The following KANSL1 variants were observed in gnomAD, a reference collection of about 807,000 sequenced individuals.
The protein encoded by KANSL1 is KAT8 regulatory NSL complex subunit 1, also known as MLL1/MLL complex subunit KANSL1.
A neutral mutation model predicts 103.6 loss-of-function variants in KANSL1; 22 were observed. The ratio of observed to expected loss-of-function variants is 0.21; its 90% CI spans 0.15 to 0.30. The LOEUF is 0.30. Ranked by LOEUF, KANSL1 falls within the 10% of genes least tolerant of loss-of-function variation. KANSL1 has a pLI of 1.00. For synonymous variants in KANSL1, 600 were observed against 527.6 expected (o/e 1.14, Z -1.88); for missense variants, 1,337 against 1,399.8 (o/e 0.96, Z 0.72).
At chr17:46,032,334 G>A (rs904483649) in intron 13 of KANSL1, 35 bp from the exon 14 acceptor site, 5 of 1,491,262 alleles carry the variant, frequency 3.4e-6, no homozygotes, top group Non-Finnish European at 4.4e-6. Context: ...GAGTGCCTGG[G>A]AAATGTTTAC....
intron 2 of KANSL1, among the ~76,000 whole-genome samples, chr17:46,108,558 C>T (rs1424948041): frequency 6.6e-6 from 1 of 152,134 alleles, no homozygotes; most frequent in Admixed American, 6.6e-5. Context: ...AGAATCATAT[C>T]CGGAAAACAG....
chr17:46,057,807 A>T (rs1460760661), intron 6 of KANSL1, among the ~76,000 whole-genome samples: 2 of 152,262 alleles, frequency 1.3e-5, no homozygotes. Context: ...AATTCATTCA[A>T]CTTCGTATCT....
intron 10 of KANSL1, 31 bp from the exon 11 acceptor site, chr17:46,034,316 G>A (rs781322105): frequency 1.2e-6 from 2 of 1,611,002 alleles, no homozygotes; most frequent in Non-Finnish European, 1.7e-6. Context: ...TTAAAAGGAA[G>A]GTACAATTTT....
At chr17:46,172,583 T>C (rs150756062) in intron 1 of KANSL1, among the ~76,000 whole-genome samples, 1,695 of 152,306 alleles carry the variant, frequency 0.011, 29 homozygotes, top group African/African-American at 0.039. Flanking sequence ...AATAAATGGA[T>C]TTAAAGCAAG....
At chr17:46,116,042 G>A (rs763479752) in intron 2 of KANSL1, among the ~76,000 whole-genome samples, 4 of 152,184 alleles carry the variant, frequency 2.6e-5, no homozygotes, top group Non-Finnish European at 4.4e-5. Flanking sequence ...AATCATAGAC[G>A]AGAAGAATCC....
rs1312554368 is a variant in KANSL1, at chr17:46,091,647, AT to A, written c.1431+2912del. Among the ~76,000 whole-genome samples, 3 of 152,120 alleles carry A rather than the reference AT, an allele frequency of 2.0e-5. No homozygotes were observed. The East Asian group carries it at 5.8e-4, about 29-fold the overall frequency. On this transcript the variant is annotated intron_variant, in intron 3 of 14. Coordinates refer to ENST00000432791, the MANE Select transcript of KANSL1 (RefSeq NM_015443.4). Reference sequence around the variant, plus strand: ...TACTGTATTTTTTCTATGTTTAGGTATGTTTAAATACATAAATCTTTACCAC... The same window carrying A: ...TACTGTATTTTTTCTATGTTTAGGTAGTTTAAATACATAAATCTTTACCAC...
intron 1 of KANSL1, among the ~76,000 whole-genome samples, chr17:46,214,153 G>A (rs1472535617): frequency 1.3e-5 from 2 of 152,186 alleles, no homozygotes; most frequent in East Asian, 1.9e-4. Flanking sequence ...AGCATTCAAA[G>A]AAAGAGTATT....
intron 1 of KANSL1, among the ~76,000 whole-genome samples, chr17:46,216,817 T>A (rs900978935): frequency 2.0e-5 from 3 of 151,932 alleles, no homozygotes; most frequent in Non-Finnish European, 4.4e-5. Flanking sequence ...TATGTAGTAC[T>A]CCAGGGGCCT....
intron 2 of KANSL1, among the ~76,000 whole-genome samples, chr17:46,107,851 C>T (rs1002646487): frequency 6.6e-6 from 1 of 152,186 alleles, no homozygotes; most frequent in African/African-American, 2.4e-5. Flanking sequence ...GGTCAAAAAC[C>T]TCCATGTAAT....
intron 2 of KANSL1, among the ~76,000 whole-genome samples, chr17:46,151,995 A>G (rs1269904664): frequency 6.6e-6 from 1 of 152,178 alleles, no homozygotes; most frequent in Non-Finnish European, 1.5e-5. Flanking sequence ...ATTTTTTCTC[A>G]TCTGTGGTAC....
chr17:46,207,969 G>A (rs1165590487), intron 1 of KANSL1, among the ~76,000 whole-genome samples: 1 of 152,120 alleles, frequency 6.6e-6, no homozygotes, highest in Non-Finnish European at 1.5e-5. Flanking sequence ...AAATTAGCCA[G>A]GTGTGATGGT....
chr17:46,169,735 T>C (rs2046184608), intron 2 of KANSL1: 1 of 152,240 alleles, frequency 6.6e-6, no homozygotes, highest in Non-Finnish European at 1.5e-5. Flanking sequence ...TCTTTAAGTA[T>C]GTTATAATAT....
At chr17:46,053,929 C>A (rs1875417324) in intron 6 of KANSL1, among the ~76,000 whole-genome samples, 2 of 152,088 alleles carry the variant, frequency 1.3e-5, no homozygotes, top group Non-Finnish European at 2.9e-5. Context: ...TAAAAAACAA[C>A]AAGAACACAT....
intron 2 of KANSL1, among the ~76,000 whole-genome samples, chr17:46,111,314 T>A (rs541562305): frequency 3.2e-4 from 48 of 152,310 alleles, no homozygotes; most frequent in African/African-American, 1.1e-3. Flanking sequence ...GGGCAAGCCA[T>A]TCTCCTGCCT....
intron 1 of KANSL1, among the ~76,000 whole-genome samples, chr17:46,206,566 GAAAC>G (rs1485748262): frequency 1.3e-5 from 2 of 152,194 alleles, no homozygotes; most frequent in Non-Finnish European, 2.9e-5. Context: ...ATCTCTACAA[GAAAC>G]AAACAATGGT....
At chr17:46,054,439 C>T (rs937274798) in intron 6 of KANSL1, among the ~76,000 whole-genome samples, 3 of 152,188 alleles carry the variant, frequency 2.0e-5, no homozygotes, top group African/African-American at 7.2e-5. Context: ...TATCTTTTCT[C>T]AAATGGGTTT....
intron 7 of KANSL1, chr17:46,041,923 T>C (rs1393959558): frequency 2.0e-5 from 3 of 151,552 alleles, no homozygotes; most frequent in Admixed American, 2.0e-4. Flanking sequence ...TATTTTTTTT[T>C]TTTTGAGACG....
At chr17:46,174,743 T>C (rs1232873885) in intron 1 of KANSL1, among the ~76,000 whole-genome samples, 1 of 152,154 alleles carries the variant, frequency 6.6e-6, no homozygotes, top group African/African-American at 2.4e-5. Context: ...GGCACAATCA[T>C]GGCTCACTGA....
chr17:46,114,166 G>C (rs905156525), intron 2 of KANSL1, among the ~76,000 whole-genome samples: 1 of 152,086 alleles, frequency 6.6e-6, no homozygotes, highest in East Asian at 1.9e-4. Context: ...CTAGACCAGC[G>C]TGGCCAATAC....
Sources: gnomAD v4.1 joint callset for allele counts (sites outside exome capture counted in the v4.1 genomes callset) on GRCh38, gnomAD v4.1.1 for gene constraint, MANE v1.5 for transcripts, NCBI Gene and HGNC (gene_info 2026-07-23, HGNC 2026-07-21) for gene names.